PTER: variants seen among roughly 807,000 people sequenced by gnomAD.
PTER encodes the protein phosphotriesterase related.
In PTER, 38 loss-of-function variants were observed where a neutral mutation model predicts 29.6. That is an observed-to-expected ratio of 1.28 (90% CI 0.99 to 1.68). The LOEUF is 1.68. PTER is among the 40% of genes most tolerant of loss of function. The pLI is 0.00. For synonymous variants in PTER, 172 were observed against 154.5 expected, an observed-to-expected ratio of 1.11 and a Z score of -0.84; for missense variants, 482 against 427.8, an observed-to-expected ratio of 1.13 and a Z score of -1.12.
chr10:16,510,930 G>C, intron 4 of PTER, 116 bp from the exon 5 acceptor site: 1 of 810,964 alleles, frequency 1.2e-6, no homozygotes, highest in Non-Finnish European at 2.0e-6. Context: ...ACACGCCACA[G>C]TAGAAGTCAG....
At chr10:16,441,280 A>G (rs371678800) in intron 1 of PTER, among the ~76,000 whole-genome samples, 33 of 152,368 alleles carry the variant, frequency 2.2e-4, no homozygotes, top group African/African-American at 6.7e-4. Context: ...TTGTGAAAAG[A>G]TGATTCTTCC....
At chr10:16,460,888 G>A (rs1399070912) in intron 1 of PTER, among the ~76,000 whole-genome samples, 2 of 151,832 alleles carry the variant, frequency 1.3e-5, no homozygotes, top group African/African-American at 4.8e-5. Flanking sequence ...GGCTAATTTT[G>A]GTAATTTTGA....
At chr10:16,477,981 C>T (rs1835340420) in intron 1 of PTER, among the ~76,000 whole-genome samples, 1 of 152,140 alleles carries the variant, frequency 6.6e-6, no homozygotes, top group Non-Finnish European at 1.5e-5. Flanking sequence ...AAGCAGAGGA[C>T]AGACTTCAAC....
intron 1 of PTER, among the ~76,000 whole-genome samples, chr10:16,471,682 C>T (rs1264326143): frequency 6.6e-6 from 1 of 152,106 alleles, no homozygotes; most frequent in Non-Finnish European, 1.5e-5. Flanking sequence ...AAAGAGCATA[C>T]AGAATATAAG....
intron 1 of PTER, among the ~76,000 whole-genome samples, chr10:16,468,445 C>A (rs1185395067): frequency 6.6e-6 from 1 of 151,576 alleles, no homozygotes; most frequent in Non-Finnish European, 1.5e-5. Context: ...GTGCTAATTC[C>A]ACTTCTATTT....
intron 3 of PTER, among the ~76,000 whole-genome samples, chr10:16,490,149 C>T (rs566161691): frequency 3.3e-5 from 5 of 152,236 alleles, no homozygotes; most frequent in East Asian, 1.9e-4. Context: ...CCTATACTTC[C>T]GCAGAATCAT....
chr10:16,482,675 A>T (rs1020114992), intron 1 of PTER, among the ~76,000 whole-genome samples: 1 of 152,186 alleles, frequency 6.6e-6, no homozygotes, highest in Non-Finnish European at 1.5e-5. Flanking sequence ...TTCAGTTCCC[A>T]GAGTCTGGGA....
At chr10:16,460,208 G>A (rs915520570) in intron 1 of PTER, among the ~76,000 whole-genome samples, 1 of 152,198 alleles carries the variant, frequency 6.6e-6, no homozygotes, top group East Asian at 1.9e-4. Flanking sequence ...TAGGTCTTCT[G>A]GTCCTGGGTT....
At chr10:16,516,814 G>C (rs943302672), downstream of PTER, among the ~76,000 whole-genome samples, 11 of 152,154 alleles carry the variant, frequency 7.2e-5, no homozygotes, top group Admixed American at 5.2e-4. Flanking sequence ...AGACTGAAAG[G>C]TTACCCTCAC....
chr10:16,498,299 G>T (rs763659240), intron 3 of PTER, among the ~76,000 whole-genome samples: 5 of 152,164 alleles, frequency 3.3e-5, no homozygotes, highest in African/African-American at 1.2e-4. Context: ...ATGGCCAGGC[G>T]CAGTGTCTCA....
intron 3 of PTER, among the ~76,000 whole-genome samples, chr10:16,491,115 G>A (rs78918784): frequency 0.015 from 2,354 of 152,066 alleles, 58 homozygotes; most frequent in African/African-American, 0.043. Flanking sequence ...AGGTTGACCT[G>A]ACATCAGACA....
chr10:16,463,791 G>T (rs1184319195), intron 1 of PTER, among the ~76,000 whole-genome samples: 1 of 152,182 alleles, frequency 6.6e-6, no homozygotes, highest in Non-Finnish European at 1.5e-5. Context: ...AGAAATCTCA[G>T]AGGTCATGGT....
chr10:16,491,084 A>C (rs1835882979), intron 3 of PTER, among the ~76,000 whole-genome samples: 1 of 152,040 alleles, frequency 6.6e-6, no homozygotes, highest in Non-Finnish European at 1.5e-5. Flanking sequence ...TCTCTCTAGA[A>C]TGGGTCAGAA....
At chr10:16,483,112 A>C (rs1301217019) in intron 1 of PTER, among the ~76,000 whole-genome samples, 2 of 152,182 alleles carry the variant, frequency 1.3e-5, no homozygotes, top group African/African-American at 2.4e-5. Flanking sequence ...CAAATTTTTT[A>C]AAAGGAAATG....
intron 1 of PTER, among the ~76,000 whole-genome samples, chr10:16,450,421 G>A (rs1338113661): frequency 2.6e-5 from 4 of 152,110 alleles, no homozygotes; most frequent in African/African-American, 9.7e-5. Flanking sequence ...TGTTTCCTCT[G>A]GTTAAAGAAA....
chr10:16,478,108 A>C (rs1015018674), intron 1 of PTER, among the ~76,000 whole-genome samples: 1 of 152,260 alleles, frequency 6.6e-6, no homozygotes, highest in Non-Finnish European at 1.5e-5. Context: ...TACATCAAAC[A>C]TTCTCAAGGC....
chr10:16,514,509 AAGC>A, downstream of PTER: 1 of 1,605,578 alleles, frequency 6.2e-7, no homozygotes, highest in Non-Finnish European at 8.5e-7. Context: ...TCAGAATAAT[AAGC>A]TTAGTTTCTG....
chr10:16,450,933 T>G (rs1214109736), intron 1 of PTER, among the ~76,000 whole-genome samples: 1 of 152,200 alleles, frequency 6.6e-6, no homozygotes, highest in Non-Finnish European at 1.5e-5. Flanking sequence ...CACTAAGGAC[T>G]ATCAGCGTTC....
chr10:16,489,982 C>T (rs1049477201), intron 3 of PTER, among the ~76,000 whole-genome samples: 1 of 152,126 alleles, frequency 6.6e-6, no homozygotes, highest in African/African-American at 2.4e-5. Context: ...GAGAAAGATA[C>T]ATACAGATAC....
Sources: gnomAD v4.1 joint callset for allele counts (sites outside exome capture counted in the v4.1 genomes callset) on GRCh38, gnomAD v4.1.1 for gene constraint, MANE v1.5 for transcripts, NCBI Gene and HGNC (gene_info 2026-07-23, HGNC 2026-07-21) for gene names.